Variants in MAPK8 observed in about 807,000 individuals in gnomAD.
MAPK8 encodes the protein mitogen-activated protein kinase 8.
Under a neutral mutation model 52.9 loss-of-function variants are expected in MAPK8, and 13 were observed. That is an observed-to-expected ratio of 0.25 (90% CI 0.16 to 0.39). The LOEUF (loss-of-function observed/expected upper bound fraction) is 0.39. MAPK8 is among the 10% of genes least tolerant of loss of function. The pLI, the probability that MAPK8 is intolerant of heterozygous loss-of-function variation, is 1.00. For synonymous variants in MAPK8, 191 were observed against 169.8 expected, an observed-to-expected ratio of 1.12 and a Z score of -0.97; for missense variants, 300 against 519.2, an observed-to-expected ratio of 0.58 and a Z score of 4.10.
intron 1 of MAPK8, among the ~76,000 whole-genome samples, chr10:48,317,139 G>T (rs1050559201): frequency 1.3e-5 from 2 of 152,136 alleles, no homozygotes; most frequent in East Asian, 3.8e-4. Context: ...AAAGTGGGAA[G>T]AAAGAAGCCA....
chr10:48,423,126 C>T (rs964623243), intron 6 of MAPK8, among the ~76,000 whole-genome samples: 6 of 152,164 alleles, frequency 3.9e-5, no homozygotes, highest in African/African-American at 1.4e-4. Context: ...GATGTTCAAA[C>T]CCAAAGGCAT....
intron 1 of MAPK8, among the ~76,000 whole-genome samples, chr10:48,366,021 A>G (rs926562350): frequency 3.3e-5 from 5 of 152,170 alleles, no homozygotes; most frequent in African/African-American, 9.6e-5. Context: ...CAGTAAATCA[A>G]AGACAAATGA....
intron 1 of MAPK8, among the ~76,000 whole-genome samples, chr10:48,400,545 T>C (rs1202845274): frequency 6.6e-6 from 1 of 152,224 alleles, no homozygotes; most frequent in Admixed American, 6.5e-5. Flanking sequence ...GGCATTCTCA[T>C]GCTCTCTCCA....
intron 7 of MAPK8, chr10:48,425,487 A>G (rs2043623223): frequency 5.4e-6 from 2 of 371,574 alleles, no homozygotes; most frequent in Admixed American, 8.6e-5. Context: ...AATATTGTCT[A>G]GGAGATATAA....
intron 1 of MAPK8, among the ~76,000 whole-genome samples, chr10:48,394,308 A>C (rs1454388973): frequency 2.0e-5 from 3 of 151,974 alleles, no homozygotes; most frequent in Non-Finnish European, 2.9e-5. Context: ...AGAAAACTAC[A>C]GTCCAGTATT....
At position 48,331,242 on chromosome 10, in the gene MAPK8, A is replaced by T. The variant is rs374862971; in HGVS notation, c.-50+24421A>T. ...GCTATCCCTGATTTTCCAAATTCCC[A>T]CAAGGTAAGACCTGGCAGGCATCAA... On this transcript the variant is annotated intron_variant, in intron 1 of 11. Coordinates refer to ENST00000374189, the MANE Select transcript of MAPK8 (RefSeq NM_001323329.2). Among the ~76,000 whole-genome samples, 23 of 152,268 alleles carry T rather than the reference A, an allele frequency of 1.5e-4. No individual in the cohort carries two copies. The East Asian group carries it at 2.3e-3, about 15-fold the overall frequency.
chr10:48,389,163 G>GT (rs2041488919), intron 1 of MAPK8, among the ~76,000 whole-genome samples: 1 of 152,110 alleles, frequency 6.6e-6, no homozygotes, highest in Non-Finnish European at 1.5e-5. Context: ...AGAATACCTA[G>GT]AACTGAAATA....
intron 1 of MAPK8, among the ~76,000 whole-genome samples, chr10:48,376,275 C>T (rs533520521): frequency 1.5e-4 from 23 of 152,160 alleles, no homozygotes; most frequent in African/African-American, 4.8e-4. Context: ...GACCTAAAAC[C>T]ATAAAAATCC....
chr10:48,344,721 T>G (rs1261260362), intron 1 of MAPK8, among the ~76,000 whole-genome samples: 1 of 152,166 alleles, frequency 6.6e-6, no homozygotes, highest in African/African-American at 2.4e-5. Context: ...AATTAAAAAT[T>G]TTCTACCTTC....
At chr10:48,404,212 G>C (rs191848984) in intron 2 of MAPK8, among the ~76,000 whole-genome samples, 1 of 148,882 alleles carries the variant, frequency 6.7e-6, no homozygotes, top group Non-Finnish European at 1.5e-5. Context: ...GCTGGAGTGC[G>C]GTGGTGCGAT....
chr10:48,422,514 T>A (rs879533587), intron 6 of MAPK8, among the ~76,000 whole-genome samples: 1 of 152,236 alleles, frequency 6.6e-6, no homozygotes, highest in Non-Finnish European at 1.5e-5. Context: ...AGATAATATC[T>A]TCTCTCATGC....
intron 6 of MAPK8, among the ~76,000 whole-genome samples, chr10:48,422,170 T>C (rs916878313): frequency 3.9e-5 from 6 of 152,112 alleles, no homozygotes; most frequent in African/African-American, 7.2e-5. Flanking sequence ...TAGCTGGGAC[T>C]ATAGGCATGT....
At chr10:48,322,758 G>A (rs1037957092) in intron 1 of MAPK8, among the ~76,000 whole-genome samples, 1 of 152,048 alleles carries the variant, frequency 6.6e-6, no homozygotes, top group Non-Finnish European at 1.5e-5. Flanking sequence ...ATCCCTTCAG[G>A]GGGAGAAATG....
At chr10:48,348,928 T>A (rs1344507127) in intron 1 of MAPK8, among the ~76,000 whole-genome samples, 6 of 141,872 alleles carry the variant, frequency 4.2e-5, no homozygotes, top group African/African-American at 1.6e-4. Flanking sequence ...GATGGAGGAA[T>A]ATTTACCAAG....
At chr10:48,353,894 A>T (rs187629955) in intron 1 of MAPK8, among the ~76,000 whole-genome samples, 1 of 152,292 alleles carries the variant, frequency 6.6e-6, no homozygotes. Flanking sequence ...CAGAGAGGGA[A>T]GTGAATGTGA....
chr10:48,406,980 G>T (rs1200777168), intron 3 of MAPK8, among the ~76,000 whole-genome samples: 1 of 152,118 alleles, frequency 6.6e-6, no homozygotes, highest in African/African-American at 2.4e-5. Context: ...TTTGTTACAG[G>T]CCTGCCTTAC....
intron 8 of MAPK8, 55 bp from the exon 9 acceptor site, chr10:48,426,325 T>C: frequency 1.4e-6 from 2 of 1,471,866 alleles, no homozygotes. Context: ...TGAAAGTTAT[T>C]AATAATTTGA....
chr10:48,307,357 GCTGAAAAGGGCCAGAGTGGCCTGCAGCT>G (rs1053557968), intron 1 of MAPK8, among the ~76,000 whole-genome samples: 1 of 152,206 alleles, frequency 6.6e-6, no homozygotes, highest in African/African-American at 2.4e-5. Flanking sequence ...AGGCAGCAGC[GCTGAAAAGGGCCAGAGTGGCCTGCAGCT>G]CTGGGCTGCA....
rs190099741 is a variant in MAPK8, at chr10:48,407,690, G to A, written c.253-2189G>A. ...TTTTAGTATATTCAGTGATATGTGG[G>A]ACCATCACTACAGTCAGTTCTAGAA... On this transcript the variant is annotated intron_variant, in intron 3 of 11. Transcript: ENST00000374189. 6.6e-5 allele frequency among the ~76,000 whole-genome samples: 10 copies of A among 152,208 alleles called. No individual in the cohort carries two copies. In the East Asian group the frequency reaches 1.9e-3, roughly 29 times the overall value.
Sources: gnomAD v4.1 joint callset for allele counts (sites outside exome capture counted in the v4.1 genomes callset) on GRCh38, gnomAD v4.1.1 for gene constraint, MANE v1.5 for transcripts, NCBI Gene and HGNC (gene_info 2026-07-23, HGNC 2026-07-21) for gene names.